The following PTN variants were observed in gnomAD, a reference collection of about 807,000 sequenced individuals.
PTN encodes the protein pleiotrophin, also known as heparin affin regulatory protein.
In PTN, 18 loss-of-function variants were observed where a neutral mutation model predicts 24.1. The observed-to-expected ratio is 0.75, with a 90% CI of 0.52 to 1.11. PTN has a LOEUF of 1.11. Among genes scored for constraint, PTN ranks in the 50% least tolerant of loss-of-function variants. PTN has a pLI of 0.00. For synonymous variants in PTN, 78 were observed against 68.6 expected, an observed-to-expected ratio of 1.14 and a Z score of -0.67; for missense variants, 163 against 198.8, an observed-to-expected ratio of 0.82 and a Z score of 1.08.
chr7:137,278,663 G>A (rs1334233978), intron 1 of PTN, among the ~76,000 whole-genome samples: 5 of 151,960 alleles, frequency 3.3e-5, no homozygotes, highest in South Asian at 2.1e-4. Flanking sequence ...TAACTTGGCC[G>A]GGCAGGGTGG....
At chr7:137,237,497 G>A (rs139044605) in intron 4 of PTN, among the ~76,000 whole-genome samples, 17 of 152,206 alleles carry the variant, frequency 1.1e-4, no homozygotes, top group African/African-American at 2.6e-4. Context: ...TAGCTGTAGA[G>A]GTGAAAAATA....
chr7:137,318,578 T>G (rs770575231), intron 1 of PTN: 1 of 152,206 alleles, frequency 6.6e-6, no homozygotes, highest in Non-Finnish European at 1.5e-5. Flanking sequence ...CTTTGAAAGA[T>G]GAGACAAGTA....
chr7:137,231,122 T>C (rs181825758), intron 4 of PTN, among the ~76,000 whole-genome samples: 1 of 151,996 alleles, frequency 6.6e-6, no homozygotes, highest in East Asian at 1.9e-4. Flanking sequence ...GCCACCAAAA[T>C]ACAAGCTGCG....
intron 1 of PTN, among the ~76,000 whole-genome samples, chr7:137,316,413 T>C (rs764932598): frequency 2.0e-5 from 3 of 152,078 alleles, no homozygotes; most frequent in Non-Finnish European, 4.4e-5. Flanking sequence ...GGAACATAAG[T>C]CTTACAAGAA....
intron 1 of PTN, among the ~76,000 whole-genome samples, chr7:137,266,659 TG>T (rs1246653152): frequency 6.6e-6 from 1 of 151,292 alleles, no homozygotes; most frequent in African/African-American, 2.4e-5. Context: ...ATAACCATTC[TG>T]TTTTTTTTTT....
intron 1 of PTN, among the ~76,000 whole-genome samples, chr7:137,282,151 T>A (rs1809483856): frequency 6.6e-6 from 1 of 152,218 alleles, no homozygotes; most frequent in Admixed American, 6.5e-5. Flanking sequence ...TATCAGTGAT[T>A]ACAACATTCA....
chr7:137,252,242 G>A (rs1380391386), intron 3 of PTN, among the ~76,000 whole-genome samples: 1 of 151,814 alleles, frequency 6.6e-6, no homozygotes, highest in African/African-American at 2.4e-5. Flanking sequence ...GATGTAGAGT[G>A]ATATCTCATT....
chr7:137,239,374 TTTTATTTATTTATTTATTTA>T (rs60204827), intron 4 of PTN, among the ~76,000 whole-genome samples: 4,828 of 147,820 alleles, frequency 0.033, 90 homozygotes, highest in Middle Eastern at 0.063. Flanking sequence ...TAATTTTCTT[TTTTATTTATTTATTTATTTA>T]TTTATTTATT....
chr7:137,259,256 A>C (rs1808990054), intron 1 of PTN, among the ~76,000 whole-genome samples: 1 of 152,106 alleles, frequency 6.6e-6, no homozygotes, highest in Admixed American at 6.6e-5. Context: ...TATTTTAAGG[A>C]GATCTAGAAT....
At chr7:137,316,976 C>T (rs1810083549) in intron 1 of PTN, among the ~76,000 whole-genome samples, 1 of 152,158 alleles carries the variant, frequency 6.6e-6, no homozygotes, top group African/African-American at 2.4e-5. Context: ...TTTGTCTGTC[C>T]CCAAGCCCGG....
intron 1 of PTN, among the ~76,000 whole-genome samples, chr7:137,283,937 GA>G (rs1809512289): frequency 8.0e-6 from 1 of 124,744 alleles, no homozygotes; most frequent in South Asian, 2.6e-4. Context: ...AAATGAATGT[GA>G]AAATGAGCAT....
chr7:137,266,624 C>T (rs1355354363), intron 1 of PTN, among the ~76,000 whole-genome samples: 1 of 151,174 alleles, frequency 6.6e-6, no homozygotes, highest in African/African-American at 2.4e-5. Context: ...TTCTGCCTCC[C>T]CTTTTTTTTC....
At chr7:137,269,926 C>T (rs1039536870) in intron 1 of PTN, among the ~76,000 whole-genome samples, 2 of 152,120 alleles carry the variant, frequency 1.3e-5, no homozygotes, top group Non-Finnish European at 2.9e-5. Context: ...CCACCGCGCC[C>T]AGCCTGCTCC....
intron 1 of PTN, 32 bp from the exon 2 acceptor site, chr7:137,255,006 G>A (rs571710032): frequency 6.9e-7 from 1 of 1,445,618 alleles, no homozygotes; most frequent in Non-Finnish European, 9.4e-7. Flanking sequence ...GAAGAAGGTG[G>A]CATTAACCTA....
chr7:137,299,857 G>GC (rs1809778227), intron 1 of PTN, among the ~76,000 whole-genome samples: 1 of 151,904 alleles, frequency 6.6e-6, no homozygotes, highest in African/African-American at 2.4e-5. Flanking sequence ...AATCATGGTA[G>GC]CCCCCAGGTA....
intron 1 of PTN, among the ~76,000 whole-genome samples, chr7:137,328,582 G>A (rs868733933): frequency 6.6e-6 from 1 of 152,084 alleles, no homozygotes; most frequent in African/African-American, 2.4e-5. Context: ...AAACAAACCC[G>A]GCACTGTGGC....
chr7:137,278,969 TA>T (rs1809418610), intron 1 of PTN, among the ~76,000 whole-genome samples: 1 of 146,082 alleles, frequency 6.8e-6, no homozygotes, highest in South Asian at 2.1e-4. Flanking sequence ...ATAATAATAA[TA>T]ATAATAATAA....
intron 4 of PTN, among the ~76,000 whole-genome samples, chr7:137,235,753 C>T (rs1808508886): frequency 1.3e-5 from 2 of 152,180 alleles, no homozygotes; most frequent in Admixed American, 6.5e-5. Context: ...TTCTTTCCCT[C>T]ACTGTCCACC....
chr7:137,295,732 ACG>A (rs1809708894), intron 1 of PTN, among the ~76,000 whole-genome samples: 1 of 152,038 alleles, frequency 6.6e-6, no homozygotes, highest in Non-Finnish European at 1.5e-5. Flanking sequence ...AGTTAAGATT[ACG>A]TATGTGGCTC....
Sources: allele counts gnomAD v4.1 joint callset (sites outside exome capture counted in the v4.1 genomes callset), GRCh38; gene constraint gnomAD v4.1.1; transcripts MANE v1.5; gene names NCBI Gene and HGNC (gene_info 2026-07-23, HGNC 2026-07-21).